TAS2R30: variants seen among roughly 807,000 people sequenced by gnomAD.
The protein encoded by TAS2R30 is taste 2 receptor member 30.
For missense variants in TAS2R30, 395 were observed against 371.6 expected (o/e 1.06, Z -0.52); for synonymous variants, 141 against 131.6 (o/e 1.07, Z -0.49).
At position 11,134,035 on chromosome 12, in the gene TAS2R30, C is replaced by A. The variant is rs551424741; in HGVS notation, c.210G>T (p.Gln70His). 7.4e-5 allele frequency: 120 copies of A among 1,614,126 alleles called. 2 individuals are homozygous for A. The South Asian group carries it at 1.2e-3, about 16-fold the overall frequency. Residue 70 changes from glutamine (Q) to histidine (H), a missense_variant, in exon 1 of 1, where the codon CAG becomes CAT. Gln to His is a conservative substitution (Grantham distance 24, BLOSUM62 0). Transcript: ENST00000539585. Reference sequence around the variant, plus strand: ...CTACACTATAAAAAGCTGGATTCAACTGAGTTGCATACCAATGTAGTAATA... The same window carrying A: ...CTACACTATAAAAAGCTGGATTCAAATGAGTTGCATACCAATGTAGTAATA...
chr12:11,133,199 A>T, exon 1 of TAS2R30: 1 of 1,495,078 alleles, frequency 6.7e-7, no homozygotes, highest in Non-Finnish European at 8.9e-7. Context: ...TTCTAGGTAT[A>T]CATGTGGAAA....
exon 1 of TAS2R30, chr12:11,133,471 T>C (rs557703824): frequency 5.0e-6 from 8 of 1,614,084 alleles, no homozygotes; most frequent in Admixed American, 3.3e-5. Flanking sequence ...TGAAGACAGG[T>C]TGCTTTTCCA....
chr12:11,133,124 C>CAG (rs1555171862), exon 1 of TAS2R30: 8 of 787,460 alleles, frequency 1.0e-5, no homozygotes, highest in Non-Finnish European at 1.4e-5. Flanking sequence ...TTTTCATACA[C>CAG]ACACACACAC....
At chr12:11,134,423 G>T in exon 1 of TAS2R30, 3 of 753,416 alleles carry the variant, frequency 4.0e-6, no homozygotes, top group South Asian at 4.3e-5. Flanking sequence ...CATGCTAATG[G>T]ATAAGTTCAA....
chr12:11,134,350 G>C, exon 1 of TAS2R30: 4 of 1,203,622 alleles, frequency 3.3e-6, no homozygotes, highest in Non-Finnish European at 4.5e-6. Flanking sequence ...ATTTGTGTAT[G>C]TGCTGTGACA....
chr12:11,133,278 T>A (rs1453874920), exon 1 of TAS2R30: 1 of 1,592,344 alleles, frequency 6.3e-7, no homozygotes. Flanking sequence ...CACCAGTTTG[T>A]TTTCTGCTAG....
exon 1 of TAS2R30, chr12:11,133,153 ATG>A (rs1946422550): frequency 1.2e-4 from 120 of 1,026,986 alleles, no homozygotes; most frequent in Non-Finnish European, 1.4e-4. Flanking sequence ...ATCTATATAT[ATG>A]TACTTTTCTA....
exon 1 of TAS2R30, chr12:11,134,250 A>C (rs754373089): frequency 1.7e-5 from 28 of 1,600,592 alleles, no homozygotes; most frequent in African/African-American, 6.8e-5. Flanking sequence ...ATCATGTCTG[A>C]ACAGACAAAA....
In TAS2R30 at chr12:11,134,155, T is replaced by C; in HGVS notation, c.90A>G (p.Val30=). 3.1e-6 allele frequency: 5 copies of C among 1,614,084 alleles called. No homozygotes were observed. In the Middle Eastern group the frequency reaches 6.6e-4, roughly 213 times the overall value. The change falls in exon 1 of 1, where the codon GTA becomes GTG. Residue 30 remains valine (V), a synonymous_variant. Coordinates refer to ENST00000539585, the Ensembl canonical transcript of TAS2R30. ...GTCTCTTGACCCACTCAATGGAATT[T>C]ACCAATGCTATGAAGCCATTAGCAA...
At chr12:11,134,044 A>C in the TAS2R30 span, 1 of 1,614,140 alleles carries the variant, frequency 6.2e-7, no homozygotes, top group Non-Finnish European at 8.5e-7. Flanking sequence ...ACTGAGTTGC[A>C]TACCAATGTA....
chr12:11,134,076 C>T, exon 1 of TAS2R30: 2 of 1,614,090 alleles, frequency 1.2e-6, no homozygotes, highest in Non-Finnish European at 1.7e-6. Context: ...CAGAGCAAAC[C>T]AACTCTGGAG....
At chr12:11,134,492 C>G in exon 1 of TAS2R30, 1 of 493,128 alleles carries the variant, frequency 2.0e-6, no homozygotes, top group Non-Finnish European at 3.5e-6. Context: ...CTGACTCATT[C>G]ACCATCTGTT....
Position 11,134,095 on chromosome 12 carries a change from A to G in TAS2R30, c.150T>C (p.Ala50=), listed in dbSNP as rs368691144. 3.1e-6 allele frequency: 5 copies of G among 1,614,062 alleles called. No homozygotes were observed. In the African/African-American group the frequency reaches 6.7e-5, roughly 22 times the overall value. Reference sequence around the variant, plus strand: ...GCAAACCAACTCTGGAGACCGCCAGAGCAGTGAGAATTTGGTCAACAAAGG... The same window carrying G: ...GCAAACCAACTCTGGAGACCGCCAGGGCAGTGAGAATTTGGTCAACAAAGG... The change falls in exon 1 of 1, where the codon GCT becomes GCC. Residue 50 remains alanine, a synonymous_variant. Transcript: ENST00000539585.
At position 11,133,631 on chromosome 12, in the gene TAS2R30, T is replaced by A. The variant is rs573347121; in HGVS notation, c.614A>T (p.His205Leu). The change falls in exon 1 of 1, where the codon CAT (histidine) becomes CTT (leucine). Residue 205 changes from histidine (H) to leucine (L), a missense_variant. Physicochemically the swap from His to Leu is moderately conservative, Grantham distance 99 (BLOSUM62 -3). Transcript: ENST00000539585. ...GCCATGGAGCTGCATCTTCTTGAGA[T>A]GTTTACACAGAGAACAGATTAACAG... 50 of 1,614,282 alleles carry A rather than the reference T, an allele frequency of 3.1e-5. No individual in the cohort carries two copies. The Admixed American group carries it at 6.7e-4, about 22-fold the overall frequency.
exon 1 of TAS2R30, chr12:11,133,440 A>C: frequency 6.2e-7 from 1 of 1,614,036 alleles, no homozygotes; most frequent in Non-Finnish European, 8.5e-7. Context: ...GGATAGCTGA[A>C]TATAATAGCT....
chr12:11,133,241 G>GT (rs1565687845), exon 1 of TAS2R30: 1 of 1,544,392 alleles, frequency 6.5e-7, no homozygotes, highest in Non-Finnish European at 8.7e-7. Context: ...AGAAAACCCA[G>GT]TAAGAAATAT....
exon 1 of TAS2R30, chr12:11,134,381 T>A: frequency 1.8e-6 from 2 of 1,092,906 alleles, no homozygotes; most frequent in Non-Finnish European, 2.6e-6. Flanking sequence ...TTTTAATTGC[T>A]GTGACCAGTG....
rs540526521 is a variant in TAS2R30, at chr12:11,134,472, T to C, written c.-228A>G. 20 of 548,894 alleles carry C rather than the reference T, an allele frequency of 3.6e-5. No individual in the cohort carries two copies. In the South Asian group the frequency reaches 5.3e-4, roughly 15 times the overall value. 34.0% of individuals were successfully genotyped at this position (548,894 alleles called of 1,614,324 possible). ...GAAAACATTCTTATTTTCAAAACAA[T>C]TCAAATTAACTGACTCATTCACCAT... is the stretch of plus-strand genomic sequence containing the variant. On this transcript the variant is annotated 5_prime_UTR_variant, in exon 1 of 1. Coordinates refer to ENST00000539585, the Ensembl canonical transcript of TAS2R30.
exon 1 of TAS2R30, chr12:11,134,397 T>C (rs1669404): frequency 5.1e-6 from 5 of 986,140 alleles, no homozygotes; most frequent in Non-Finnish European, 7.3e-6. Flanking sequence ...CAGTGTCAAG[T>C]CAGAAATCAC....
Sources: allele counts gnomAD v4.1 joint callset, GRCh38; gene constraint gnomAD v4.1.1; transcripts MANE v1.5; gene names NCBI Gene and HGNC (gene_info 2026-07-23, HGNC 2026-07-21).